CPM: variants seen among roughly 807,000 people sequenced by gnomAD.
CPM encodes renal carboxypeptidase.
CPM carries 35 observed loss-of-function variants against 46.4 expected under a neutral mutation model. The ratio of observed to expected loss-of-function variants is 0.75; its 90% CI spans 0.58 to 1.00. The LOEUF (loss-of-function observed/expected upper bound fraction) is 1.00, where lower values mean the gene tolerates loss of function less well. Ranked by LOEUF, CPM falls within the 50% of genes least tolerant of loss-of-function variation. CPM has a pLI of 0.00. For missense variants in CPM, 422 were observed against 530.4 expected, an observed-to-expected ratio of 0.80 and a Z score of 2.01; for synonymous variants, 195 against 195.3, an observed-to-expected ratio of 1.00 and a Z score of 0.01.
downstream of CPM, chr12:68,848,929 T>A (rs1364995851): frequency 6.6e-6 from 1 of 152,118 alleles, no homozygotes; most frequent in East Asian, 1.9e-4. Context: ...GCCAGGCTGG[T>A]CTCGAACTCC....
chr12:68,903,351 A>G (rs1887195798), intron 2 of CPM, among the ~76,000 whole-genome samples: 2 of 152,204 alleles, frequency 1.3e-5, no homozygotes. Flanking sequence ...TATGTTCAAT[A>G]TATCCAAAGG....
chr12:68,849,254 T>C (rs1165649248), downstream of CPM: 2 of 150,878 alleles, frequency 1.3e-5, no homozygotes, highest in South Asian at 2.1e-4. Context: ...CACACCTGGC[T>C]AGTTTTTGTA....
chr12:68,925,262 A>C (rs370090245), intron 2 of CPM, among the ~76,000 whole-genome samples: 3 of 152,314 alleles, frequency 2.0e-5, no homozygotes, highest in Non-Finnish European at 4.4e-5. Context: ...ACAGCTTTAG[A>C]CTTAGTAATT....
intron 3 of CPM, among the ~76,000 whole-genome samples, chr12:68,882,698 T>C (rs1886249432): frequency 6.6e-6 from 1 of 152,256 alleles, no homozygotes; most frequent in South Asian, 2.1e-4. Context: ...AGTGATCCTT[T>C]TTCTCTGCAG....
intron 3 of CPM, among the ~76,000 whole-genome samples, chr12:68,879,142 C>T (rs138248586): frequency 6.6e-6 from 1 of 152,288 alleles, no homozygotes; most frequent in East Asian, 1.9e-4. Flanking sequence ...GAGCCATGAT[C>T]ACACCAATGC....
chr12:68,953,126 C>T (rs537402560), intron 1 of CPM, among the ~76,000 whole-genome samples: 20 of 152,284 alleles, frequency 1.3e-4, no homozygotes, highest in African/African-American at 3.6e-4. Context: ...GGAGCCAGCA[C>T]GGGACATTCA....
chr12:68,956,841 A>G (rs954487452), intron 1 of CPM, among the ~76,000 whole-genome samples: 8 of 152,200 alleles, frequency 5.3e-5, no homozygotes, highest in Non-Finnish European at 1.2e-4. Flanking sequence ...TGAGAATCTT[A>G]AACATTGCGA....
intron 1 of CPM, chr12:68,957,610 G>T (rs2870830): frequency 0.39 from 60,124 of 153,892 alleles, 13,005 homozygotes; most frequent in East Asian, 0.64. Context: ...ATAAGGCAAA[G>T]ACTCCATATA....
At position 68,853,205 on chromosome 12, in the gene CPM, CTA is replaced by C. The variant is rs1040246362; in HGVS notation, c.*3230_*3231del. On this transcript the variant is annotated 3_prime_UTR_variant, in exon 9 of 9. Transcript: ENST00000551568. ...TTTGTTCGTGTCTCTTCAAAAATTG[CTA>C]TCTTAGAAAAGTTAGAATTCAATGC... The C allele has an allele frequency of 2.0e-5, 3 of 149,608 alleles. No individual in the cohort carries two copies. Among genetic ancestry groups the C allele is most frequent in the African/African-American group, 5.1e-5 (2 of 39,000 alleles). The allele number at this position is 149,608 out of a possible 1,614,324, so 9.3% of individuals were successfully genotyped here. A position where few individuals can be genotyped will look rare whatever the true frequency, so the allele number is the denominator to read the frequency against.
At chr12:68,879,585 G>A (rs1886101082) in intron 3 of CPM, among the ~76,000 whole-genome samples, 1 of 151,926 alleles carries the variant, frequency 6.6e-6, no homozygotes, top group Non-Finnish European at 1.5e-5. Context: ...GGCTAGTCTT[G>A]AACTCCTGGC....
chr12:68,914,691 T>C (rs1302543820), intron 2 of CPM, among the ~76,000 whole-genome samples: 2 of 152,234 alleles, frequency 1.3e-5, no homozygotes, highest in Admixed American at 6.5e-5. Context: ...TCAGCTGCTC[T>C]GATTTAAGGA....
At chr12:68,842,623 G>A (rs1592606718) in intron 5 of CPM, 2 of 287,748 alleles carry the variant, frequency 7.0e-6, no homozygotes, top group East Asian at 1.1e-4. Context: ...ACATAAAATA[G>A]TTACGCTATT....
intron 1 of CPM, among the ~76,000 whole-genome samples, chr12:68,952,763 C>A (rs1454475247): frequency 1.3e-5 from 2 of 152,242 alleles, no homozygotes; most frequent in Non-Finnish European, 2.9e-5. Context: ...AGATGGAGGA[C>A]AGGGCATGAT....
At chr12:68,843,886 A>G (rs985293206) in intron 5 of CPM, 19 of 214,946 alleles carry the variant, frequency 8.8e-5, no homozygotes, top group Non-Finnish European at 1.3e-4. Context: ...TTTGGAGTTG[A>G]TAATATTTCA....
intron 4 of CPM, among the ~76,000 whole-genome samples, chr12:68,870,786 G>C (rs1302687913): frequency 6.6e-6 from 1 of 152,236 alleles, no homozygotes; most frequent in African/African-American, 2.4e-5. Flanking sequence ...CCCCAGACCT[G>C]TGGCACGGAC....
intron 1 of CPM, chr12:68,957,537 T>C (rs913145590): frequency 5.3e-6 from 1 of 188,664 alleles, no homozygotes; most frequent in African/African-American, 2.3e-5. Flanking sequence ...TTCTGTCCAA[T>C]TTGGATTTTC....
chr12:68,882,190 G>C (rs947857391), intron 3 of CPM, among the ~76,000 whole-genome samples: 1 of 151,994 alleles, frequency 6.6e-6, no homozygotes, highest in Non-Finnish European at 1.5e-5. Flanking sequence ...TCATCACCCA[G>C]TTAATAAGCA....
At position 68,851,982 on chromosome 12, in the gene CPM, A is replaced by G. The variant is rs1884712150; in HGVS notation, c.*4455T>C. 6.6e-6 allele frequency: 1 copy of G among 152,250 alleles called. No individual in the cohort carries two copies. The highest frequency in any genetic ancestry group is 2.1e-4 in the South Asian group (1 of 4,836). The allele number at this position is 152,250 out of a possible 1,614,324, so 9.4% of individuals were successfully genotyped here. ...TAAGCAACTTATCTATTGCAGTAAG[A>G]CAATATGCTATGCTTATCTTTCTGG... On this transcript the variant is annotated 3_prime_UTR_variant, in exon 9 of 9. Coordinates refer to ENST00000551568, the MANE Select transcript of CPM (RefSeq NM_198320.5).
chr12:68,903,096 G>C (rs1363415771), intron 2 of CPM, among the ~76,000 whole-genome samples: 1 of 152,138 alleles, frequency 6.6e-6, no homozygotes, highest in Non-Finnish European at 1.5e-5. Context: ...CAATGTTATT[G>C]TTAACAAACG....
Sources: allele counts gnomAD v4.1 joint callset (sites outside exome capture counted in the v4.1 genomes callset), GRCh38; gene constraint gnomAD v4.1.1; transcripts MANE v1.5; gene names NCBI Gene and HGNC (gene_info 2026-07-23, HGNC 2026-07-21).